ARID1B: variants seen among roughly 807,000 people sequenced by gnomAD.
ARID1B encodes AT-rich interaction domain 1B, also known as AT-rich interactive domain-containing protein 1B.
In ARID1B, 30 loss-of-function variants were observed where a neutral mutation model predicts 212.3. The observed-to-expected ratio is 0.14, with a 90% CI of 0.11 to 0.19. ARID1B has a LOEUF of 0.19. Ranked by LOEUF, ARID1B falls within the 10% of genes least tolerant of loss-of-function variation. ARID1B has a pLI of 1.00. For missense variants in ARID1B, 2,891 were observed against 3,204.0 expected (o/e 0.90, Z 2.36); for synonymous variants, 1,402 against 1,301.7 (o/e 1.08, Z -1.66).
At chr6:156,790,811 ACT>A (rs775272208) in intron 1 of ARID1B, among the ~76,000 whole-genome samples, 5 of 152,128 alleles carry the variant, frequency 3.3e-5, no homozygotes, top group Non-Finnish European at 2.9e-5. Context: ...ATATGGCAAG[ACT>A]CTGTCCTTCC....
chr6:156,883,642 C>G (rs150543607), intron 2 of ARID1B, among the ~76,000 whole-genome samples: 3 of 152,270 alleles, frequency 2.0e-5, no homozygotes, highest in Non-Finnish European at 2.9e-5. Context: ...TCTCACTCTC[C>G]GATCCTCACC....
intron 2 of ARID1B, among the ~76,000 whole-genome samples, chr6:156,864,101 A>G (rs982083263): frequency 5.9e-5 from 9 of 152,364 alleles, no homozygotes; most frequent in Admixed American, 3.3e-4. Flanking sequence ...TGTAGAACAC[A>G]GTAGACTGGA....
chr6:157,142,496 C>G (rs1789434049), intron 7 of ARID1B, among the ~76,000 whole-genome samples: 1 of 152,034 alleles, frequency 6.6e-6, no homozygotes, highest in South Asian at 2.1e-4. Flanking sequence ...CATGGTAGTA[C>G]ACACCTGTAA....
chr6:156,902,373 A>C (rs1031524651), intron 3 of ARID1B, among the ~76,000 whole-genome samples: 22 of 152,190 alleles, frequency 1.4e-4, no homozygotes, highest in African/African-American at 5.3e-4. Context: ...GGCAAAGAGA[A>C]GGTGAACACA....
chr6:157,140,100 A>C (rs112426137), intron 7 of ARID1B, among the ~76,000 whole-genome samples: 3 of 152,128 alleles, frequency 2.0e-5, no homozygotes, highest in Admixed American at 1.3e-4. Flanking sequence ...TCTGTGCGTG[A>C]TGAAAGTAAA....
In ARID1B at chr6:157,207,439, T is replaced by C; in HGVS notation, c.6667T>C (p.Leu2223=). The change falls in exon 20 of 20, where the codon TTG becomes CTG. Residue 2223 remains leucine (L), a synonymous_variant. Coordinates refer to ENST00000636930, the MANE Select transcript of ARID1B (RefSeq NM_001374828.1). This position sits in a 1 kb window ranked among gnomAD's most constrained non-coding sequence, Gnocchi z 8.5. ...CCAGGACAATAATGTGGACCTGATC[T>C]TGGCCACTCCTCCATTTAGTCGTCA... ...SIQDNNVDLI[L]ATPPFSRQEK... 6.2e-7 allele frequency: 1 copy of C among 1,614,198 alleles called. No individual in the cohort carries two copies. Among genetic ancestry groups the C allele is most frequent in the Non-Finnish European group, 8.5e-7 (1 of 1,180,024 alleles).
intron 6 of ARID1B, among the ~76,000 whole-genome samples, chr6:157,119,992 A>G (rs1044993258): frequency 1.3e-5 from 2 of 152,236 alleles, no homozygotes; most frequent in African/African-American, 4.8e-5. Context: ...TGCACAATTC[A>G]AATAAGATTT....
At chr6:157,009,010 C>T (rs1243099797) in intron 4 of ARID1B, among the ~76,000 whole-genome samples, 2 of 152,172 alleles carry the variant, frequency 1.3e-5, no homozygotes, top group African/African-American at 4.8e-5. Flanking sequence ...AGCTTTTAGG[C>T]CAACCCTTCA....
intron 3 of ARID1B, among the ~76,000 whole-genome samples, chr6:156,928,124 C>T (rs934258072): frequency 2.6e-5 from 4 of 152,178 alleles, no homozygotes; most frequent in Non-Finnish European, 5.9e-5. Flanking sequence ...ACGGTTTTGC[C>T]CCACACCCTG....
Position 156,779,383 on chromosome 6 carries a change from C to T in ARID1B, c.1703C>T (p.Ala568Val). 2.1e-6 allele frequency: 3 copies of T among 1,398,264 alleles called. No homozygotes were observed. Among genetic ancestry groups the T allele is most frequent in the Non-Finnish European group, 2.8e-6 (3 of 1,070,084 alleles). 86.6% of individuals were successfully genotyped at this position (1,398,264 alleles called of 1,614,324 possible). A position where few individuals can be genotyped will look rare whatever the true frequency, so the allele number is the denominator to read the frequency against. ...LGKDMGAQYAAASPAWAAAQQ... is the reference protein window; with the variant it reads ...LGKDMGAQYAVASPAWAAAQQ... ...AAGGACATGGGCGCCCAGTACGCCG[C>T]TGCCAGCCCGGCCTGGGCGGCCGCG... Residue 568 changes from alanine to valine, a missense_variant, in exon 1 of 20, where the codon GCT becomes GTT. Around this residue, in one of 7 missense-constraint regions of ARID1B, gnomAD observed 1,643 missense variants for 1,544.0 expected, o/e 1.06. Coordinates refer to ENST00000636930, the MANE Select transcript of ARID1B (RefSeq NM_001374828.1).
intron 16 of ARID1B, among the ~76,000 whole-genome samples, chr6:157,197,299 G>T (rs1029634570): frequency 2.6e-5 from 4 of 152,270 alleles, no homozygotes; most frequent in African/African-American, 9.6e-5. Flanking sequence ...CTTCGGGATC[G>T]CGGCCTTCGG....
At chr6:157,114,553 G>T (rs888893470) in intron 6 of ARID1B, among the ~76,000 whole-genome samples, 1 of 124,510 alleles carries the variant, frequency 8.0e-6, no homozygotes, top group Non-Finnish European at 1.6e-5. Flanking sequence ...AAAAAAAAAG[G>T]TATATCATGG....
At chr6:156,930,277 T>A (rs1199969395) in intron 3 of ARID1B, among the ~76,000 whole-genome samples, 1 of 152,182 alleles carries the variant, frequency 6.6e-6, no homozygotes, top group Non-Finnish European at 1.5e-5. Context: ...TGAGTTCTCA[T>A]GAGACCTGGT....
intron 9 of ARID1B, chr6:157,168,032 C>G (rs1211266468): frequency 1.3e-5 from 2 of 152,364 alleles, no homozygotes; most frequent in Middle Eastern, 3.4e-3. Flanking sequence ...GTGTGTATCC[C>G]GTGATGCCCC....
chr6:157,033,421 A>G (rs1043253300), intron 4 of ARID1B, among the ~76,000 whole-genome samples: 1 of 152,216 alleles, frequency 6.6e-6, no homozygotes, highest in Non-Finnish European at 1.5e-5. Context: ...TAGTTTTGGC[A>G]TTGCTTTATT....
chr6:157,004,890 CTTTTTTCTTTTT>C (rs1779122555), intron 4 of ARID1B, among the ~76,000 whole-genome samples: 16 of 35,688 alleles, frequency 4.5e-4, no homozygotes, highest in African/African-American at 9.7e-4. Context: ...TTTTCTTCTT[CTTTTTTCTTTTT>C]TTTTTTTTTT....
At chr6:156,971,628 G>T (rs1378830754) in intron 4 of ARID1B, among the ~76,000 whole-genome samples, 2 of 152,174 alleles carry the variant, frequency 1.3e-5, no homozygotes, top group African/African-American at 4.8e-5. Flanking sequence ...ATCTCCTAAG[G>T]CTGATATCGG....
rs1204778228 is a variant in ARID1B at position 156,913,312 on chromosome 6, G to T, written c.2136+11787G>T. Among the ~76,000 whole-genome samples the T allele has an allele frequency of 2.0e-5, 3 of 151,204 alleles. No individual in the cohort carries two copies. In the East Asian group the frequency reaches 5.8e-4, roughly 29 times the overall value. On this transcript the variant is annotated intron_variant, in intron 3 of 19. Coordinates refer to ENST00000636930, the MANE Select transcript of ARID1B (RefSeq NM_001374828.1). ...GCTCACTGCAACCTCTGCCTCCCGGGTTCAAGCAATTCTCCTGCCTCAGCC... is the reference window on the plus strand; with the variant it reads ...GCTCACTGCAACCTCTGCCTCCCGGTTTCAAGCAATTCTCCTGCCTCAGCC...
intron 4 of ARID1B, among the ~76,000 whole-genome samples, chr6:157,041,857 C>T (rs1222794945): frequency 6.6e-6 from 1 of 152,178 alleles, no homozygotes; most frequent in Non-Finnish European, 1.5e-5. Flanking sequence ...CACTGCCCCA[C>T]TCAACTCCTC....
Sources: gnomAD v4.1 joint callset for allele counts (sites outside exome capture counted in the v4.1 genomes callset) on GRCh38, gnomAD v4.1.1 for gene constraint, gnomAD v4.1.1 regional missense constraint, Gnocchi (gnomAD v3.1) non-coding constraint, MANE v1.5 for transcripts, NCBI Gene and HGNC (gene_info 2026-07-23, HGNC 2026-07-21) for gene names.